Variants in ARHGEF4 observed in about 807,000 individuals in gnomAD.
The protein encoded by ARHGEF4 is APC-stimulated guanine nucleotide exchange factor 1.
A neutral mutation model predicts 162.0 loss-of-function variants in ARHGEF4; 119 were observed. The ratio of observed to expected loss-of-function variants is 0.73; its 90% CI spans 0.63 to 0.86. The LOEUF is 0.86. ARHGEF4 is among the 40% of genes least tolerant of loss of function. The probability of loss-of-function intolerance (pLI) is 0.00; values close to 1 mark genes in which losing one functional copy is unlikely to be tolerated. For missense variants in ARHGEF4, 2,488 were observed against 2,456.0 expected (o/e 1.01, Z -0.28); for synonymous variants, 1,014 against 979.9 (o/e 1.03, Z -0.65).
intron 1 of ARHGEF4, among the ~76,000 whole-genome samples, chr2:130,889,028 C>T (rs1057262771): frequency 1.5e-4 from 23 of 151,454 alleles, no homozygotes; most frequent in Non-Finnish European, 2.6e-4. Context: ...GTGCTTGAAC[C>T]TGGGAGGCGG....
rs1269744495 is a variant in ARHGEF4, at chr2:130,988,893, TATATATATAGAGAGAGAG to T, written c.3986-39050_3986-39033del. 2.8e-3 allele frequency among the ~76,000 whole-genome samples: 314 copies of T among 113,252 alleles called. 1 individual carries two copies. The highest frequency in any genetic ancestry group is 3.8e-3 in the Non-Finnish European group (213 of 55,628). 74.3% of individuals were successfully genotyped at this position (113,252 alleles called of 152,430 possible). A position where few individuals can be genotyped will look rare whatever the true frequency, so the allele number is the denominator to read the frequency against. On this transcript the variant is annotated intron_variant, in intron 4 of 13. Transcript: ENST00000409359. ...GTGTGTATATATATATATATATATA[TATATATATAGAGAGAGAG>T]AGAGAGAGAGAGAGAGAGAGAGAGA...
At chr2:131,039,078 GCTA>G in intron 6 of ARHGEF4, 46 bp downstream of exon 6, 5 of 1,551,480 alleles carry the variant, frequency 3.2e-6, no homozygotes, top group Non-Finnish European at 4.3e-6. Flanking sequence ...CCCATAAAAA[GCTA>G]CCTGGTTCTG....
At chr2:131,034,738 G>A (rs1199582187) in intron 5 of ARHGEF4, among the ~76,000 whole-genome samples, 1 of 152,158 alleles carries the variant, frequency 6.6e-6, no homozygotes, top group Non-Finnish European at 1.5e-5. Context: ...GCGCCCCCGT[G>A]GCCATCTGTG....
chr2:131,037,147 G>A lies in ARHGEF4; in HGVS notation c.4126-1706G>A, dbSNP rs1027378949. On this transcript the variant is annotated intron_variant, in intron 5 of 13. Coordinates refer to ENST00000409359, the MANE Select transcript of ARHGEF4 (RefSeq NM_001367493.1). Reference sequence around the variant, plus strand: ...AGGCCTCTGGAGGTCTGCAGCCCCCGCGTGGCTGCCGCGCTGTGAGGGTTC... The same window carrying A: ...AGGCCTCTGGAGGTCTGCAGCCCCCACGTGGCTGCCGCGCTGTGAGGGTTC... Among the ~76,000 whole-genome samples the A allele has an allele frequency of 1.6e-4, 25 of 152,320 alleles. 1 individual carries two copies. In the South Asian group the frequency reaches 3.7e-3, roughly 23 times the overall value.
chr2:131,046,340 C>T lies in ARHGEF4; in HGVS notation c.*151C>T, dbSNP rs912084614. On this transcript the variant is annotated 3_prime_UTR_variant, in exon 14 of 14. Transcript: ENST00000409359. ...CTTGTGCCACCAAGACGTGCCAGGT[C>T]TGTACTCCTGTTGTCTTTTTCCCTG... 4.7e-5 allele frequency: 36 copies of T among 773,842 alleles called. No homozygotes were observed. The South Asian group carries it at 6.4e-4, about 14-fold the overall frequency. The allele number at this position is 773,842 out of a possible 1,614,324, so 47.9% of individuals were successfully genotyped here.
At chr2:130,890,764 C>T (rs900902213) in intron 1 of ARHGEF4, among the ~76,000 whole-genome samples, 3 of 151,620 alleles carry the variant, frequency 2.0e-5, no homozygotes, top group African/African-American at 7.3e-5. Context: ...TTTCCTGTTC[C>T]CTATAGATAC....
chr2:130,914,949 G>A lies in ARHGEF4; in HGVS notation c.1003G>A (p.Val335Ile), dbSNP rs1442504902. 1 of 1,548,810 alleles carries A rather than the reference G, an allele frequency of 6.5e-7. No homozygotes were observed. Among genetic ancestry groups the A allele is most frequent in the Admixed American group, 2.0e-5 (1 of 50,940 alleles). ...RLNCGHMRALVRAHSIAGFSP... is the reference protein window; with the variant it reads ...RLNCGHMRALIRAHSIAGFSP... ...CAACTGTGGGCACATGAGGGCACTGGTCAGGGCCCATTCCATAGCAGGGTT... is the reference window on the plus strand; with the variant it reads ...CAACTGTGGGCACATGAGGGCACTGATCAGGGCCCATTCCATAGCAGGGTT... Residue 335 changes from valine (V) to isoleucine (I), a missense_variant, in exon 2 of 14, where the codon GTC (valine) becomes ATC (isoleucine). Physicochemically the swap from Val to Ile is conservative, Grantham distance 29. This residue lies in a region of ARHGEF4 where 1,642 missense variants were observed against 1,481.5 expected (regional missense o/e 1.11). Coordinates refer to ENST00000409359, the MANE Select transcript of ARHGEF4 (RefSeq NM_001367493.1).
At chr2:131,006,750 G>A (rs974671099) in intron 4 of ARHGEF4, among the ~76,000 whole-genome samples, 8 of 152,150 alleles carry the variant, frequency 5.3e-5, no homozygotes, top group African/African-American at 1.9e-4. Flanking sequence ...GATTAGGTGA[G>A]GCCACCCACC....
chr2:130,869,739 C>T (rs1442891675), intron 1 of ARHGEF4, among the ~76,000 whole-genome samples: 2 of 152,224 alleles, frequency 1.3e-5, no homozygotes, highest in South Asian at 2.1e-4. Flanking sequence ...CTGACATATC[C>T]GCATTCAGAC....
intron 1 of ARHGEF4, among the ~76,000 whole-genome samples, chr2:130,899,594 A>G (rs1473477006): frequency 6.6e-6 from 1 of 152,178 alleles, no homozygotes; most frequent in African/African-American, 2.4e-5. Flanking sequence ...CAGACGGGAG[A>G]GCCGCCAAAG....
chr2:130,915,982 C>G lies in ARHGEF4; in HGVS notation c.2036C>G (p.Thr679Ser), dbSNP rs948778954. Residue 679 changes from threonine (T) to serine (S), a missense_variant, in exon 2 of 14, where the codon ACT becomes AGT. Around this residue, in one of 6 missense-constraint regions of ARHGEF4, gnomAD observed 1,642 missense variants for 1,481.5 expected, o/e 1.11. Coordinates refer to ENST00000409359, the MANE Select transcript of ARHGEF4 (RefSeq NM_001367493.1). ...GGCGAGACCCCCTGTGAGTCTCCCA[C>G]TAGGGGGAAAACACCAGCCGGTAAT... ...STGETPCESPTRGKTPAGNEC... is the reference protein window; with the variant it reads ...STGETPCESPSRGKTPAGNEC... 2 of 1,550,422 alleles carry G rather than the reference C, an allele frequency of 1.3e-6. No homozygotes were observed. The highest frequency in any genetic ancestry group is 8.7e-7 in the Non-Finnish European group (1 of 1,146,982).
intron 1 of ARHGEF4, among the ~76,000 whole-genome samples, chr2:130,870,862 G>C (rs746761343): frequency 6.6e-6 from 1 of 152,096 alleles, no homozygotes; most frequent in South Asian, 2.1e-4. Flanking sequence ...GCTGACTCTT[G>C]GCTAGGTGCA....
At chr2:130,954,095 C>T (rs1463910804) in intron 4 of ARHGEF4, among the ~76,000 whole-genome samples, 1 of 152,204 alleles carries the variant, frequency 6.6e-6, no homozygotes, top group South Asian at 2.1e-4. Context: ...TATAAAGACA[C>T]GTGCACATGT....
chr2:130,988,932 A>AGG (rs1263687901), intron 4 of ARHGEF4, among the ~76,000 whole-genome samples: 9 of 148,458 alleles, frequency 6.1e-5, no homozygotes, highest in African/African-American at 1.0e-4. Context: ...AGAGAGAGAG[A>AGG]GAGAAAGATT....
intron 1 of ARHGEF4, among the ~76,000 whole-genome samples, chr2:130,885,564 CTTTTTTT>C (rs961513941): frequency 1.2e-4 from 12 of 100,384 alleles, no homozygotes; most frequent in African/African-American, 2.1e-4. Context: ...TTTTCTTATT[CTTTTTTT>C]TTTTTTTTTT....
rs1161907877 is a variant in ARHGEF4 at position 130,860,535 on chromosome 2, C to T, written c.39+23543C>T. Among the ~76,000 whole-genome samples, 894 of 91,072 alleles carry T rather than the reference C, an allele frequency of 9.8e-3. 127 individuals carry two copies. Among genetic ancestry groups the T allele is most frequent in the Admixed American group, 0.014 (108 of 7,710 alleles). 59.7% of individuals were successfully genotyped at this position (91,072 alleles called of 152,430 possible). On this transcript the variant is annotated intron_variant, in intron 1 of 13. Transcript: ENST00000409359. ...CATCCTGGCAAACACGGTGAAACCC[C>T]GTCTCTACTAAAAATACAAAAAAAA...
intron 1 of ARHGEF4, among the ~76,000 whole-genome samples, chr2:130,878,282 G>A (rs1233006946): frequency 6.6e-6 from 1 of 152,108 alleles, no homozygotes; most frequent in Non-Finnish European, 1.5e-5. Flanking sequence ...TTTGGTCCAC[G>A]AATTGTAGTT....
chr2:130,918,913 A>G (rs564898247), intron 2 of ARHGEF4, among the ~76,000 whole-genome samples: 1 of 152,320 alleles, frequency 6.6e-6, no homozygotes, highest in African/African-American at 2.4e-5. Flanking sequence ...TAGAAAGGAA[A>G]AGGCCTCTCC....
At chr2:131,032,255 G>T (rs1381853027) in intron 5 of ARHGEF4, among the ~76,000 whole-genome samples, 1 of 151,868 alleles carries the variant, frequency 6.6e-6, no homozygotes, top group East Asian at 2.0e-4. Context: ...ATGTCCCCAG[G>T]GCAGGGTCAC....
Sources: allele counts gnomAD v4.1 joint callset (sites outside exome capture counted in the v4.1 genomes callset), GRCh38; gene constraint gnomAD v4.1.1; regional missense constraint gnomAD v4.1.1; transcripts MANE v1.5; gene names NCBI Gene and HGNC (gene_info 2026-07-23, HGNC 2026-07-21).